EDNRA: variants seen among roughly 807,000 people sequenced by gnomAD.
The protein encoded by EDNRA is endothelin receptor type A.
A neutral mutation model predicts 41.4 loss-of-function variants in EDNRA; 11 were observed. The ratio of observed to expected loss-of-function variants is 0.27; its 90% CI spans 0.17 to 0.44. The LOEUF is 0.44. Ranked by LOEUF, EDNRA falls within the 20% of genes least tolerant of loss-of-function variation. EDNRA has a pLI of 1.00. For missense variants in EDNRA, 294 were observed against 531.0 expected (o/e 0.55, Z 4.39); for synonymous variants, 172 against 183.0 (o/e 0.94, Z 0.49).
chr4:147,485,341 G>A (rs572613451), intron 1 of EDNRA, among the ~76,000 whole-genome samples: 1 of 152,294 alleles, frequency 6.6e-6, no homozygotes, highest in South Asian at 2.1e-4. Context: ...TATAGAGACG[G>A]AAATGGAGAC....
intron 4 of EDNRA, among the ~76,000 whole-genome samples, chr4:147,534,800 A>G (rs952650524): frequency 4.6e-5 from 7 of 152,174 alleles, no homozygotes; most frequent in African/African-American, 1.7e-4. Flanking sequence ...TATTTTATGC[A>G]TGTAAAAGTA....
Position 147,486,018 on chromosome 4 carries a change from A to G in EDNRA, c.337A>G (p.Asn113Asp). 1.9e-6 allele frequency: 3 copies of G among 1,614,258 alleles called. No homozygotes were observed. The highest frequency in any genetic ancestry group is 2.5e-6 in the Non-Finnish European group (3 of 1,180,046). Residue 113 changes from asparagine (N) to aspartate (D), a missense_variant, in exon 2 of 8, where the codon AAT becomes GAT. By Grantham distance (23) the Asn-to-Asp change is conservative. Transcript: ENST00000651419. This position sits in a 1 kb window ranked among gnomAD's most constrained non-coding sequence, Gnocchi z 4.3. Reference sequence around the variant, plus strand: ...CATTTACCAGAACAAATGTATGAGGAATGGCCCCAACGCGCTGATAGCCAG... The same window carrying G: ...CATTTACCAGAACAAATGTATGAGGGATGGCCCCAACGCGCTGATAGCCAG... Reference protein sequence around the residue: ...RIIYQNKCMRNGPNALIASLA... With the variant: ...RIIYQNKCMRDGPNALIASLA...
chr4:147,542,832 T>C lies in EDNRA; in HGVS notation c.*214T>C. ...TTCTTTAATTGATCTAATTTACATA[T>C]TCTGCGTGTTGTATTCAGCACTAAA... On this transcript the variant is annotated 3_prime_UTR_variant, in exon 8 of 8. Transcript: ENST00000651419. 1.9e-6 allele frequency: 1 copy of C among 533,816 alleles called. No homozygotes were observed. Among genetic ancestry groups the C allele is most frequent in the South Asian group, 3.3e-5 (1 of 30,650 alleles). The allele number at this position is 533,816 out of a possible 1,614,324, so 33.1% of individuals were successfully genotyped here. A position where few individuals can be genotyped will look rare whatever the true frequency, so the allele number is the denominator to read the frequency against.
intron 3 of EDNRA, among the ~76,000 whole-genome samples, chr4:147,528,843 G>A (rs912035154): frequency 1.3e-5 from 2 of 151,862 alleles, no homozygotes; most frequent in African/African-American, 4.8e-5. Context: ...AGGAAGTGAG[G>A]AAGCAGCTCT....
chr4:147,537,277 T>C (rs377465421), intron 5 of EDNRA, among the ~76,000 whole-genome samples: 10 of 152,370 alleles, frequency 6.6e-5, no homozygotes, highest in African/African-American at 2.4e-4. Context: ...TGTGTATGCA[T>C]GTACTTTATA....
At chr4:147,521,461 A>C (rs1730319326) in intron 3 of EDNRA, among the ~76,000 whole-genome samples, 1 of 152,164 alleles carries the variant, frequency 6.6e-6, no homozygotes, top group Non-Finnish European at 1.5e-5. Context: ...CTTACATACC[A>C]TAGGTGGCCA....
chr4:147,513,818 A>T (rs1730005707), intron 2 of EDNRA, among the ~76,000 whole-genome samples: 1 of 152,196 alleles, frequency 6.6e-6, no homozygotes, highest in Non-Finnish European at 1.5e-5. Flanking sequence ...AGGAGAGGAG[A>T]AGAACCCTTC....
In EDNRA at chr4:147,523,470, T is replaced by G. The variant is rs59963790; in HGVS notation, c.548+3492T>G. Among the ~76,000 whole-genome samples the G allele has an allele frequency of 6.1e-4, 61 of 100,568 alleles. 1 individual carries two copies. The highest frequency in any genetic ancestry group is 3.0e-3 in the African/African-American group (49 of 16,248). The allele number at this position is 100,568 out of a possible 152,430, so 66.0% of individuals were successfully genotyped here. ...GTTTTGTTGGGTGTTTGTTTTTTTTTGTTGTTGTTGTTTTTTTGTTTTTTT... is the reference window on the plus strand; with the variant it reads ...GTTTTGTTGGGTGTTTGTTTTTTTTGGTTGTTGTTGTTTTTTTGTTTTTTT... On this transcript the variant is annotated intron_variant, in intron 3 of 7. Transcript: ENST00000651419.
intron 2 of EDNRA, among the ~76,000 whole-genome samples, chr4:147,502,760 ACTGACTGTTAATGT>A (rs1729559274): frequency 6.6e-6 from 1 of 152,200 alleles, no homozygotes; most frequent in Non-Finnish European, 1.5e-5. Context: ...TACGGTGACA[ACTGACTGTTAATGT>A]CATGTGATAA....
intron 2 of EDNRA, among the ~76,000 whole-genome samples, chr4:147,517,471 C>T (rs968130361): frequency 2.0e-5 from 3 of 152,160 alleles, no homozygotes; most frequent in Non-Finnish European, 4.4e-5. Flanking sequence ...AAGAGGGGGA[C>T]GTTGCCTACA....
At chr4:147,513,015 G>A (rs1016721978) in intron 2 of EDNRA, among the ~76,000 whole-genome samples, 3 of 152,138 alleles carry the variant, frequency 2.0e-5, no homozygotes, top group African/African-American at 7.2e-5. Context: ...CTACCAGAAC[G>A]ATCTTCATTT....
chr4:147,533,115 A>T (rs559532967), intron 4 of EDNRA, among the ~76,000 whole-genome samples: 1 of 152,242 alleles, frequency 6.6e-6, no homozygotes, highest in South Asian at 2.1e-4. Context: ...TGTTTATCTT[A>T]TGTCACTTGG....
intron 7 of EDNRA, among the ~76,000 whole-genome samples, chr4:147,541,949 G>GTA (rs1157922780): frequency 6.6e-6 from 1 of 152,200 alleles, no homozygotes; most frequent in African/African-American, 2.4e-5. Flanking sequence ...TAAAAAGGCA[G>GTA]TATATCCAAG....
intron 2 of EDNRA, among the ~76,000 whole-genome samples, chr4:147,508,639 G>A (rs768714130): frequency 7.9e-5 from 12 of 152,160 alleles, no homozygotes; most frequent in Non-Finnish European, 1.3e-4. Flanking sequence ...TTTTGTGTAT[G>A]ATATGAGGCA....
intron 3 of EDNRA, among the ~76,000 whole-genome samples, chr4:147,532,148 T>TAA (rs61086622): frequency 6.1e-5 from 7 of 114,644 alleles, no homozygotes; most frequent in Non-Finnish European, 9.3e-5. Context: ...CCGTCTCTAC[T>TAA]AAAAAAAAAA....
At chr4:147,500,455 C>T (rs1729478320) in intron 2 of EDNRA, among the ~76,000 whole-genome samples, 1 of 152,214 alleles carries the variant, frequency 6.6e-6, no homozygotes, top group Non-Finnish European at 1.5e-5. Context: ...CGGTGATTCA[C>T]ACCTGTAATC....
In EDNRA at chr4:147,505,327, ATTTTTTTTTTTTTTT is replaced by A. The variant is rs869077171; in HGVS notation, c.421-14510_421-14496del. ...AGAGAGTTTGGCAGTTTCTTTTTTCATTTTTTTTTTTTTTTTTTTTTTTTTTTTGGAGGTGGAGTT... is the reference window on the plus strand; with the variant it reads ...AGAGAGTTTGGCAGTTTCTTTTTTCATTTTTTTTTTTTTGGAGGTGGAGTT... On this transcript the variant is annotated intron_variant, in intron 2 of 7. Coordinates refer to ENST00000651419, the MANE Select transcript of EDNRA (RefSeq NM_001957.4). Among the ~76,000 whole-genome samples, 217 of 79,698 alleles carry A rather than the reference ATTTTTTTTTTTTTTT, an allele frequency of 2.7e-3. 3 individuals are homozygous for A. The highest frequency in any genetic ancestry group is 0.014 in the Middle Eastern group (1 of 70). The allele number at this position is 79,698 out of a possible 152,430, so 52.3% of individuals were successfully genotyped here.
chr4:147,523,494 TTTG>T (rs1560910781), intron 3 of EDNRA, among the ~76,000 whole-genome samples: 18 of 136,154 alleles, frequency 1.3e-4, no homozygotes, highest in Non-Finnish European at 2.3e-4. Context: ...TTTTGTTTTT[TTTG>T]TTTTTTTTTT....
intron 2 of EDNRA, among the ~76,000 whole-genome samples, chr4:147,504,762 C>T (rs1380908141): frequency 1.3e-5 from 2 of 151,710 alleles, no homozygotes; most frequent in East Asian, 3.9e-4. Context: ...AAGGACCAGC[C>T]TGGGCAACAT....
Sources: allele counts gnomAD v4.1 joint callset (sites outside exome capture counted in the v4.1 genomes callset), GRCh38; gene constraint gnomAD v4.1.1; non-coding constraint Gnocchi (gnomAD v3.1); transcripts MANE v1.5; gene names NCBI Gene and HGNC (gene_info 2026-07-23, HGNC 2026-07-21).